Variants in OTUD7A observed in about 807,000 individuals in gnomAD.
OTUD7A encodes OTU deubiquitinase 7A, also known as OTU domain-containing protein 7A.
OTUD7A carries 12 observed loss-of-function variants against 65.7 expected under a neutral mutation model. That is an observed-to-expected ratio of 0.18 (90% CI 0.12 to 0.30). The LOEUF is 0.30. Ranked by LOEUF, OTUD7A falls within the 10% of genes least tolerant of loss-of-function variation. The probability of loss-of-function intolerance (pLI) is 1.00; values close to 1 mark genes in which losing one functional copy is unlikely to be tolerated. For missense variants in OTUD7A, 1,148 were observed against 1,304.8 expected (o/e 0.88, Z 1.85); for synonymous variants, 641 against 586.3 (o/e 1.09, Z -1.35).
intron 9 of OTUD7A, 109 bp from the exon 10 acceptor site, chr15:31,501,948 C>A: frequency 7.9e-7 from 1 of 1,268,392 alleles, no homozygotes. Context: ...CGTGGAGAAG[C>A]GGAGGGACAG....
chr15:31,804,019 G>C (rs1484794217), intron 1 of OTUD7A, among the ~76,000 whole-genome samples: 2 of 152,150 alleles, frequency 1.3e-5, no homozygotes, highest in Non-Finnish European at 2.9e-5. Flanking sequence ...CCTAACTCCA[G>C]GGGAGCAGAG....
At chr15:31,796,964 C>A (rs1008557635) in intron 1 of OTUD7A, among the ~76,000 whole-genome samples, 31 of 152,324 alleles carry the variant, frequency 2.0e-4, no homozygotes, top group Middle Eastern at 3.4e-3. Context: ...GAACTCCTGA[C>A]CCCAGGTGAT....
intron 8 of OTUD7A, among the ~76,000 whole-genome samples, chr15:31,507,989 T>C (rs2041608707): frequency 6.6e-6 from 1 of 152,184 alleles, no homozygotes; most frequent in Non-Finnish European, 1.5e-5. Flanking sequence ...GGCCAGGACA[T>C]AAATATTTGT....
intron 5 of OTUD7A, among the ~76,000 whole-genome samples, chr15:31,546,431 G>A (rs1235899565): frequency 2.0e-5 from 3 of 152,120 alleles, no homozygotes; most frequent in Non-Finnish European, 1.5e-5. Context: ...TATAAGGGTG[G>A]GGCCCTGATC....
chr15:31,555,559 T>G (rs2141152947), intron 5 of OTUD7A, among the ~76,000 whole-genome samples: 1 of 152,000 alleles, frequency 6.6e-6, no homozygotes, highest in East Asian at 1.9e-4. Flanking sequence ...GGCTGTGGGG[T>G]GGAAGGTACA....
intron 3 of OTUD7A, among the ~76,000 whole-genome samples, chr15:31,641,966 A>C (rs1188238766): frequency 6.6e-6 from 1 of 152,232 alleles, no homozygotes; most frequent in Non-Finnish European, 1.5e-5. Flanking sequence ...AGAAGTAGTG[A>C]AAGGGCGCAT....
At chr15:31,702,726 T>C (rs187768856) in intron 1 of OTUD7A, among the ~76,000 whole-genome samples, 1 of 151,996 alleles carries the variant, frequency 6.6e-6, no homozygotes, top group East Asian at 1.9e-4. Flanking sequence ...TTCAGCAAGA[T>C]TTTTAATAGA....
At chr15:31,619,316 T>C (rs1218335806) in intron 3 of OTUD7A, among the ~76,000 whole-genome samples, 1 of 152,204 alleles carries the variant, frequency 6.6e-6, no homozygotes, top group Non-Finnish European at 1.5e-5. Flanking sequence ...GTGAAGAAAG[T>C]CACTGGTAGC....
At chr15:31,826,969 T>C (rs958834555) in intron 1 of OTUD7A, among the ~76,000 whole-genome samples, 5 of 152,238 alleles carry the variant, frequency 3.3e-5, no homozygotes, top group African/African-American at 1.2e-4. Flanking sequence ...TATCAGCGTT[T>C]TGGGCAAAGC....
At chr15:31,678,360 C>T (rs1294915752) in intron 1 of OTUD7A, among the ~76,000 whole-genome samples, 1 of 152,166 alleles carries the variant, frequency 6.6e-6, no homozygotes, top group East Asian at 1.9e-4. Context: ...TAGAAATGTA[C>T]ATAAGTAATG....
rs2041110189 is a variant in OTUD7A at position 31,481,047 on chromosome 15, G to GAAAC, written c.*2246_*2247insGTTT. The GAAAC allele has an allele frequency of 6.6e-6, 1 of 152,220 alleles. No homozygotes were observed. The highest frequency in any genetic ancestry group is 2.1e-4 in the South Asian group (1 of 4,830). The allele number at this position is 152,220 out of a possible 1,614,324, so 9.4% of individuals were successfully genotyped here. A position where few individuals can be genotyped will look rare whatever the true frequency, so the allele number is the denominator to read the frequency against. ...AGGTTTTCCTCTATTACAATGGACGGTTTTTATTCTGTTTTATTTTTTTAT... is the reference window on the plus strand; with the variant it reads ...AGGTTTTCCTCTATTACAATGGACGGAAACTTTTTATTCTGTTTTATTTTTTTAT... On this transcript the variant is annotated 3_prime_UTR_variant, in exon 13 of 13. Coordinates refer to ENST00000307050, the MANE Select transcript of OTUD7A (RefSeq NM_001382637.1).
rs553341997 is a variant in OTUD7A at position 31,615,282 on chromosome 15, A to T, written c.151+39814T>A. 1.4e-4 allele frequency among the ~76,000 whole-genome samples: 21 copies of T among 152,342 alleles called. 1 individual carries two copies. In the South Asian group the frequency reaches 3.7e-3, roughly 27 times the overall value. ...CAAAGGTTGAAAGTAGAATGATTTT[A>T]AAAATATATCATGCAAACACTAATC... On this transcript the variant is annotated intron_variant, in intron 3 of 12. Transcript: ENST00000307050.
intron 1 of OTUD7A, among the ~76,000 whole-genome samples, chr15:31,687,102 A>G (rs1892854516): frequency 3.8e-5 from 1 of 26,252 alleles, no homozygotes; most frequent in African/African-American, 5.5e-5. Context: ...GACTTGATTT[A>G]AATAGAAAAA....
chr15:31,678,711 T>C lies in OTUD7A; in HGVS notation c.-99-21634A>G, dbSNP rs1025787101. Among the ~76,000 whole-genome samples the C allele has an allele frequency of 5.1e-4, 77 of 152,348 alleles. 1 individual carries two copies. Among genetic ancestry groups the C allele is most frequent in the African/African-American group, 1.8e-3 (73 of 41,570 alleles). ...GATTTCAGAGGATCTATGGAAATGC[T>C]TGGATGTCCAGGCAAAAGTTTGCTG... is the stretch of plus-strand genomic sequence containing the variant. On this transcript the variant is annotated intron_variant, in intron 1 of 12. Transcript: ENST00000307050.
At chr15:31,562,129 C>T (rs181318322) in intron 4 of OTUD7A, among the ~76,000 whole-genome samples, 6 of 152,294 alleles carry the variant, frequency 3.9e-5, no homozygotes, top group East Asian at 3.9e-4. Context: ...TCTGGCCCTG[C>T]GTTTTCTTAT....
At chr15:31,809,682 T>TA (rs748413827) in intron 1 of OTUD7A, among the ~76,000 whole-genome samples, 9 of 152,172 alleles carry the variant, frequency 5.9e-5, no homozygotes, top group Non-Finnish European at 1.2e-4. Flanking sequence ...TCCAGAGAAT[T>TA]AGAGGTCAGC....
chr15:31,609,063 G>C (rs1247482486), intron 3 of OTUD7A, among the ~76,000 whole-genome samples: 1 of 152,218 alleles, frequency 6.6e-6, no homozygotes, highest in Admixed American at 6.5e-5. Context: ...GAAATACAGG[G>C]GTAGAGGAGG....
At chr15:31,581,882 C>G (rs1393958821) in intron 3 of OTUD7A, among the ~76,000 whole-genome samples, 3 of 152,184 alleles carry the variant, frequency 2.0e-5, no homozygotes, top group African/African-American at 7.2e-5. Flanking sequence ...GCTTGAGTTT[C>G]CCCCCAGATA....
chr15:31,688,642 C>T (rs1892896404), intron 1 of OTUD7A, among the ~76,000 whole-genome samples: 2 of 152,160 alleles, frequency 1.3e-5, no homozygotes, highest in Admixed American at 6.5e-5. Context: ...GGTAATAGTG[C>T]TATACTTTTG....
Sources: allele counts gnomAD v4.1 joint callset (sites outside exome capture counted in the v4.1 genomes callset), GRCh38; gene constraint gnomAD v4.1.1; transcripts MANE v1.5; gene names NCBI Gene and HGNC (gene_info 2026-07-23, HGNC 2026-07-21).